RASA1: variants seen among roughly 807,000 people sequenced by gnomAD.
RASA1 encodes ras GTPase-activating protein 1.
A neutral mutation model predicts 132.2 loss-of-function variants in RASA1; 25 were observed. The ratio of observed to expected loss-of-function variants is 0.19; its 90% CI spans 0.14 to 0.26. RASA1 has a LOEUF of 0.26. Ranked by LOEUF, RASA1 falls within the 10% of genes least tolerant of loss-of-function variation. The pLI is 1.00. For synonymous variants in RASA1, 477 were observed against 449.9 expected, an observed-to-expected ratio of 1.06 and a Z score of -0.76; for missense variants, 964 against 1,299.2, an observed-to-expected ratio of 0.74 and a Z score of 3.97.
intron 1 of RASA1, among the ~76,000 whole-genome samples, chr5:87,317,182 G>A (rs1198766735): frequency 6.6e-6 from 1 of 151,904 alleles, no homozygotes; most frequent in Non-Finnish European, 1.5e-5. Context: ...TGCGCCTGGC[G>A]GATACCACAA....
rs201302523 is a variant in RASA1 at position 87,368,133 on chromosome 5, TA to T, written c.1611-1671del. 8.7e-3 allele frequency among the ~76,000 whole-genome samples: 1,316 copies of T among 151,430 alleles called. 10 individuals carry two copies. Among genetic ancestry groups the T allele is most frequent in the Middle Eastern group, 0.024 (7 of 294 alleles). On this transcript the variant is annotated intron_variant, in intron 11 of 24. Transcript: ENST00000274376. ...TTCCTTTTTCTTCTTGGAGTCTGGT[TA>T]AAAAAAAAGTTGCACTATTTCCCAT...
chr5:87,352,176 C>T (rs952296442), intron 8 of RASA1, among the ~76,000 whole-genome samples: 5 of 151,574 alleles, frequency 3.3e-5, no homozygotes, highest in Non-Finnish European at 4.4e-5. Flanking sequence ...TTAAATGCTG[C>T]TTCTGGTATT....
At chr5:87,378,818 T>C (rs1761503625) in intron 18 of RASA1, among the ~76,000 whole-genome samples, 1 of 152,274 alleles carries the variant, frequency 6.6e-6, no homozygotes, top group Admixed American at 6.5e-5. Flanking sequence ...ATATACTACT[T>C]ACAGAAAGCG....
intron 4 of RASA1, among the ~76,000 whole-genome samples, chr5:87,336,669 A>C (rs1036457388): frequency 4.6e-5 from 7 of 152,116 alleles, no homozygotes; most frequent in African/African-American, 1.7e-4. Flanking sequence ...TGAAATTAGA[A>C]ATATCTCTTA....
intron 22 of RASA1, 23 bp downstream of exon 22, chr5:87,385,412 A>C: frequency 6.5e-7 from 1 of 1,530,032 alleles, no homozygotes; most frequent in South Asian, 1.1e-5. Flanking sequence ...TGATACTTTA[A>C]AATGTAATTT....
intron 1 of RASA1, among the ~76,000 whole-genome samples, chr5:87,328,968 A>G (rs998432540): frequency 1.6e-5 from 1 of 63,044 alleles, no homozygotes; most frequent in African/African-American, 4.2e-5. Context: ...TGGCTGGATA[A>G]TTTAATTGCA....
chr5:87,376,007 AAGGGTTACCTGTTTAAAGTGG>A (rs1369777116), intron 15 of RASA1, among the ~76,000 whole-genome samples: 1 of 152,130 alleles, frequency 6.6e-6, no homozygotes, highest in Non-Finnish European at 1.5e-5. Flanking sequence ...TCGTCCGCTC[AAGGGTTACCTGTTTAAAGTGG>A]AGTTTTCACC....
chr5:87,326,369 T>A (rs1405479193), intron 1 of RASA1, among the ~76,000 whole-genome samples: 1 of 152,206 alleles, frequency 6.6e-6, no homozygotes, highest in African/African-American at 2.4e-5. Context: ...ACATGCAGTT[T>A]CATCTTAGAT....
chr5:87,311,274 T>C (rs1207655919), intron 1 of RASA1, among the ~76,000 whole-genome samples: 1 of 152,144 alleles, frequency 6.6e-6, no homozygotes, highest in Admixed American at 6.6e-5. Context: ...ACTGGCAGTA[T>C]CTGGTGCTTT....
intron 3 of RASA1, 101 bp downstream of exon 3, chr5:87,332,743 G>A (rs1163667273): frequency 8.6e-7 from 1 of 1,160,574 alleles, no homozygotes; most frequent in Non-Finnish European, 1.2e-6. Context: ...AATTCAAGAA[G>A]TATTTGTTGT....
intron 11 of RASA1, among the ~76,000 whole-genome samples, chr5:87,364,506 C>T (rs373108213): frequency 7.9e-5 from 12 of 152,096 alleles, no homozygotes; most frequent in African/African-American, 2.7e-4. Context: ...TACGAAGATA[C>T]CCTTTTTTTT....
rs440855 is a variant in RASA1 at position 87,335,415 on chromosome 5, T to C, written c.899+2078T>C. Among the ~76,000 whole-genome samples, 1,062 of 143,262 alleles carry C rather than the reference T, an allele frequency of 7.4e-3. 49 individuals are homozygous for C. Among genetic ancestry groups the C allele is most frequent in the Admixed American group, 0.058 (801 of 13,858 alleles). 94.0% of individuals were successfully genotyped at this position (143,262 alleles called of 152,430 possible). On this transcript the variant is annotated intron_variant, in intron 4 of 24. Coordinates refer to ENST00000274376, the MANE Select transcript of RASA1 (RefSeq NM_002890.3). ...TGAGATAGGTGAAGATAATAAAGAA[T>C]GAGGTTTTTTTTTTTTTTTTTTTTT...
intron 22 of RASA1, 40 bp downstream of exon 22, chr5:87,385,429 G>T (rs775748450): frequency 6.9e-7 from 1 of 1,440,156 alleles, no homozygotes; most frequent in South Asian, 1.2e-5. Flanking sequence ...ATTTATGAAT[G>T]CAAGTTTGAC....
intron 8 of RASA1, 145 bp from the exon 9 acceptor site, chr5:87,353,012 C>G (rs761535872): frequency 1.1e-5 from 7 of 635,392 alleles, no homozygotes; most frequent in Non-Finnish European, 2.0e-5. Context: ...ATGTTATGAT[C>G]ATTTATTCTA....
At chr5:87,360,127 T>G (rs553272560) in intron 9 of RASA1, among the ~76,000 whole-genome samples, 5 of 151,312 alleles carry the variant, frequency 3.3e-5, no homozygotes, top group East Asian at 1.9e-4. Flanking sequence ...AAATGCAGTT[T>G]TTTTTTTTTT....
intron 8 of RASA1, among the ~76,000 whole-genome samples, chr5:87,352,317 C>T (rs1759332591): frequency 6.6e-6 from 1 of 151,030 alleles, no homozygotes; most frequent in South Asian, 2.1e-4. Context: ...CACACACACA[C>T]ATATATATTC....
At chr5:87,311,069 A>G (rs905132967) in intron 1 of RASA1, among the ~76,000 whole-genome samples, 4 of 152,230 alleles carry the variant, frequency 2.6e-5, no homozygotes, top group Middle Eastern at 3.2e-3. Flanking sequence ...ACATAATACT[A>G]TATTCTGACG....
intron 1 of RASA1, among the ~76,000 whole-genome samples, chr5:87,319,605 C>T (rs1247370161): frequency 6.6e-6 from 1 of 152,160 alleles, no homozygotes; most frequent in Non-Finnish European, 1.5e-5. Flanking sequence ...GGCTGGGATG[C>T]GGGGCACCAA....
chr5:87,341,122 A>T (rs1253398361), intron 5 of RASA1, among the ~76,000 whole-genome samples, 168 bp from the exon 6 acceptor site: 1 of 152,122 alleles, frequency 6.6e-6, no homozygotes, highest in African/African-American at 2.4e-5. Context: ...ACAAGAAAAG[A>T]TTAAGAGAGG....
Sources: allele counts gnomAD v4.1 joint callset (sites outside exome capture counted in the v4.1 genomes callset), GRCh38; gene constraint gnomAD v4.1.1; transcripts MANE v1.5; gene names NCBI Gene and HGNC (gene_info 2026-07-23, HGNC 2026-07-21).